DUX4: variants seen among roughly 807,000 people sequenced by gnomAD.
DUX4 encodes the protein double homeobox 4.
downstream of DUX4, among the ~76,000 whole-genome samples, chr4:190,177,038 A>G (rs1742337864): frequency 6.6e-6 from 1 of 150,588 alleles, no homozygotes; most frequent in Non-Finnish European, 1.5e-5. Context: ...ATCAGTGCAG[A>G]GATATGTCAC....
chr4:190,178,728 A>ACGC (rs1742446796), downstream of DUX4, among the ~76,000 whole-genome samples: 1 of 132,232 alleles, frequency 7.6e-6, no homozygotes, highest in Non-Finnish European at 1.7e-5. Flanking sequence ...GAGTTACATC[A>ACGC]CCTGGGTGAT....
chr4:190,179,255 C>T (rs1742483633), downstream of DUX4, among the ~76,000 whole-genome samples: 3 of 137,286 alleles, frequency 2.2e-5, no homozygotes, highest in African/African-American at 5.6e-5. Flanking sequence ...GTAGGCAGAT[C>T]CTAGACAAGA....
downstream of DUX4, among the ~76,000 whole-genome samples, chr4:190,176,176 C>T (rs1467502562): frequency 3.7e-5 from 4 of 109,476 alleles, no homozygotes; most frequent in African/African-American, 1.1e-4. Flanking sequence ...CCCTATAAGC[C>T]AAACCTTGAC....
At chr4:190,178,489 T>TGC (rs2126573665), downstream of DUX4, among the ~76,000 whole-genome samples, 2 of 151,274 alleles carry the variant, frequency 1.3e-5, no homozygotes, top group Admixed American at 6.6e-5. Context: ...TATTTCACAA[T>TGC]ACCCCCTGTA....
intron 1 of DUX4, among the ~76,000 whole-genome samples, chr4:190,183,799 C>T (rs1251561489): frequency 1.6e-4 from 19 of 117,150 alleles, no homozygotes; most frequent in African/African-American, 4.6e-4. Context: ...AGAAATGATG[C>T]TCACCAGCTG....
At chr4:190,178,987 A>G (rs1742468915), downstream of DUX4, among the ~76,000 whole-genome samples, 3 of 148,960 alleles carry the variant, frequency 2.0e-5, no homozygotes, top group East Asian at 2.0e-4. Flanking sequence ...CAGAGCCTAG[A>G]CAAAAGCCCC....
At chr4:190,179,149 A>T (rs1742480095), downstream of DUX4, among the ~76,000 whole-genome samples, 4,091 of 121,730 alleles carry the variant, frequency 0.034, 3 homozygotes, top group Admixed American at 0.054. Context: ...CTAGGTGATC[A>T]GTGCAGAGAT....
Position 190,175,603 on chromosome 4 carries a change from G to C in DUX4, c.*237-44G>C, listed in dbSNP as rs1484802662. Reference sequence around the variant, plus strand: ...AGCTGCCAGCACGGAGCGCCTGGCGGTCAAAAGCATACCTCTGTCTGTCTT... The same window carrying C: ...AGCTGCCAGCACGGAGCGCCTGGCGCTCAAAAGCATACCTCTGTCTGTCTT... On this transcript the variant is annotated intron_variant, in intron 1 of 1. Transcript: ENST00000565211. The C allele has an allele frequency of 1.2e-5, 2 of 173,658 alleles. 1 individual carries two copies. The highest frequency in any genetic ancestry group is 5.1e-5 in the African/African-American group (2 of 39,158). The allele number at this position is 173,658 out of a possible 1,614,324, so 10.8% of individuals were successfully genotyped here. A position where few individuals can be genotyped will look rare whatever the true frequency, so the allele number is the denominator to read the frequency against.
chr4:190,176,306 T>C (rs1219908639), downstream of DUX4, among the ~76,000 whole-genome samples: 6 of 113,474 alleles, frequency 5.3e-5, no homozygotes, highest in Admixed American at 1.1e-4. Flanking sequence ...ACAATGCCCC[T>C]GTAGGCAGAG....
chr4:190,177,771 C>T (rs2126569961), downstream of DUX4, among the ~76,000 whole-genome samples: 1,527 of 121,572 alleles, frequency 0.013, no homozygotes, highest in East Asian at 0.033. Context: ...AGTCCCATCA[C>T]CTGGGTGATC....
At chr4:190,177,192 C>CCAGAG (rs1742350155), downstream of DUX4, among the ~76,000 whole-genome samples, 2 of 126,272 alleles carry the variant, frequency 1.6e-5, no homozygotes, top group African/African-American at 3.0e-5. Flanking sequence ...GTCAAAACGC[C>CCAGAG]CCTGTAGGCA....
At chr4:190,176,254 A>T (rs1399676318), downstream of DUX4, among the ~76,000 whole-genome samples, 1 of 114,122 alleles carries the variant, frequency 8.8e-6, no homozygotes, top group Non-Finnish European at 2.1e-5. Context: ...CAAAGCCCAG[A>T]CAATTTTTAC....
At chr4:190,176,861 AG>A (rs1742325873), downstream of DUX4, among the ~76,000 whole-genome samples, 1 of 110,036 alleles carries the variant, frequency 9.1e-6, no homozygotes, top group Admixed American at 1.0e-4. Flanking sequence ...CTGTAGGCAA[AG>A]CCCATACAAG....
At chr4:190,175,584 C>T (rs1742250655) in intron 1 of DUX4, 63 bp from the exon 2 acceptor site, 3 of 166,196 alleles carry the variant, frequency 1.8e-5, no homozygotes, top group African/African-American at 7.8e-5. Context: ...TCCCAGCTGC[C>T]AGCACGGAGC....
chr4:190,179,275 C>CAAGTGGTATATCTCCTGGGTGAT (rs1742484647), downstream of DUX4, among the ~76,000 whole-genome samples: 1 of 151,898 alleles, frequency 6.6e-6, no homozygotes, highest in African/African-American at 2.4e-5. Flanking sequence ...AGTTACATGA[C>CAAGTGGTATATCTCCTGGGTGAT]CTGGGTGATC....
intron 1 of DUX4, among the ~76,000 whole-genome samples, chr4:190,182,386 CTGGTTA>C (rs1742613609): frequency 1.2e-4 from 5 of 40,458 alleles, no homozygotes; most frequent in Non-Finnish European, 2.1e-4. Context: ...GTTAGGGTTA[CTGGTTA>C]GGGTTAGGGG....
At chr4:190,177,550 T>TGGACA (rs1742374659), downstream of DUX4, among the ~76,000 whole-genome samples, 1 of 146,784 alleles carries the variant, frequency 6.8e-6, no homozygotes, top group Non-Finnish European at 1.5e-5. Flanking sequence ...AGGCACAGCT[T>TGGACA]AGACAAGCGT....
intron 1 of DUX4, among the ~76,000 whole-genome samples, chr4:190,181,248 G>T (rs1579837059): frequency 1.5e-4 from 21 of 139,968 alleles, no homozygotes; most frequent in South Asian, 4.6e-4. Context: ...CAAGACAAGA[G>T]TCTGTCACCT....
At chr4:190,181,581 G>C (rs1579837798) in intron 1 of DUX4, among the ~76,000 whole-genome samples, 1 of 93,398 alleles carries the variant, frequency 1.1e-5, no homozygotes. Flanking sequence ...GCAGAGCCTA[G>C]TCAAGCGTTA....
Sources: allele counts gnomAD v4.1 joint callset (sites outside exome capture counted in the v4.1 genomes callset), GRCh38; gene constraint gnomAD v4.1.1; transcripts MANE v1.5; gene names NCBI Gene and HGNC (gene_info 2026-07-23, HGNC 2026-07-21).